VWA3A: variants seen among roughly 807,000 people sequenced by gnomAD.
VWA3A encodes von Willebrand factor A domain containing 3A.
In VWA3A, 134 loss-of-function variants were observed where a neutral mutation model predicts 160.4. The observed-to-expected ratio is 0.84, with a 90% CI of 0.73 to 0.96. The LOEUF is 0.96. VWA3A is among the 40% of genes least tolerant of loss of function. The pLI is 0.00. For missense variants in VWA3A, 1,310 were observed against 1,447.9 expected, an observed-to-expected ratio of 0.90 and a Z score of 1.55; for synonymous variants, 476 against 543.4, an observed-to-expected ratio of 0.88 and a Z score of 1.72.
chr16:22,102,874 G>A (rs1227888586), intron 5 of VWA3A, among the ~76,000 whole-genome samples: 9 of 152,128 alleles, frequency 5.9e-5, no homozygotes. Flanking sequence ...GCTATGTGGA[G>A]AAAGGAGACG....
At chr16:22,140,377 G>A (rs2046124786) in intron 23 of VWA3A, 133 bp downstream of exon 23, 3 of 781,914 alleles carry the variant, frequency 3.8e-6, no homozygotes, top group Non-Finnish European at 6.2e-6. Flanking sequence ...GGAGGCTGAG[G>A]TGGAAGGATC....
intron 6 of VWA3A, among the ~76,000 whole-genome samples, chr16:22,107,528 G>T (rs2045498303): frequency 6.6e-6 from 1 of 152,092 alleles, no homozygotes; most frequent in Admixed American, 6.6e-5. Flanking sequence ...GATCTCTTGA[G>T]GCCAGGAGTT....
intron 31 of VWA3A, among the ~76,000 whole-genome samples, chr16:22,153,055 T>C (rs2046377373): frequency 6.6e-6 from 1 of 152,144 alleles, no homozygotes; most frequent in Non-Finnish European, 1.5e-5. Context: ...GGTTTAAGAA[T>C]ACACCTAAAG....
intron 21 of VWA3A, among the ~76,000 whole-genome samples, chr16:22,135,073 AT>A (rs2046015913): frequency 1.3e-5 from 2 of 152,170 alleles, no homozygotes; most frequent in Admixed American, 6.5e-5. Flanking sequence ...TTTTAAAATA[AT>A]TTTTTTAAAA....
intron 23 of VWA3A, among the ~76,000 whole-genome samples, chr16:22,140,669 C>T (rs1168660533): frequency 6.8e-6 from 1 of 146,762 alleles, no homozygotes; most frequent in Admixed American, 6.9e-5. Context: ...GGAGTGCAGT[C>T]GTGTCATCTC....
chr16:22,107,819 T>G (rs1264714309), intron 6 of VWA3A, among the ~76,000 whole-genome samples: 1 of 152,138 alleles, frequency 6.6e-6, no homozygotes, highest in Non-Finnish European at 1.5e-5. Context: ...TGTCAGCCCA[T>G]GACCCACACC....
rs898179594 is a variant in VWA3A, at chr16:22,100,447, T to A, written c.382T>A (p.Cys128Ser). ...GGGCACCAATGTCGTGCAGAAAATA[T>A]GTTTCTCCACCCAGATCATCCGCCA... is the stretch of plus-strand genomic sequence containing the variant. ...EEGTNVVQKI[C>S]FSTQIIRHFE... is the part of the protein sequence containing the mutation. Residue 128 changes from cysteine (C) to serine (S), a missense_variant, in exon 5 of 34, where the codon TGT (cysteine) becomes AGT (serine). Transcript: ENST00000389398. The A allele has an allele frequency of 1.3e-6, 2 of 1,551,498 alleles. No homozygotes were observed. The highest frequency in any genetic ancestry group is 8.7e-7 in the Non-Finnish European group (1 of 1,147,004).
chr16:22,099,248 A>G (rs1208726617), intron 3 of VWA3A, among the ~76,000 whole-genome samples: 5 of 152,218 alleles, frequency 3.3e-5, no homozygotes, highest in Non-Finnish European at 7.3e-5. Context: ...GGTGCCTTTC[A>G]AGGGCAGGAC....
rs1567204078 is a variant in VWA3A, at chr16:22,117,275, G to C, written c.990+99G>C. ...TGGGCCAGGACCATACTATATACTT[G>C]TTTCTCCTTTTCTCCTTGTCCCCAC... On this transcript the variant is annotated intron_variant, in intron 11 of 33. Transcript: ENST00000389398. 2.3e-6 allele frequency: 3 copies of C among 1,285,246 alleles called. No individual in the cohort carries two copies. In the African/African-American group the frequency reaches 4.5e-5, roughly 19 times the overall value. The allele number at this position is 1,285,246 out of a possible 1,614,324, so 79.6% of individuals were successfully genotyped here. A position where few individuals can be genotyped will look rare whatever the true frequency, so the allele number is the denominator to read the frequency against.
intron 6 of VWA3A, 57 bp downstream of exon 6, chr16:22,103,586 TA>T: frequency 3.2e-6 from 5 of 1,538,638 alleles, no homozygotes; most frequent in Non-Finnish European, 4.4e-6. Flanking sequence ...TTGTATTTGT[TA>T]GAACCCTTTC....
chr16:22,118,559 G>A (rs1166871247), intron 11 of VWA3A, among the ~76,000 whole-genome samples: 5 of 152,166 alleles, frequency 3.3e-5, no homozygotes, highest in Admixed American at 1.3e-4. Flanking sequence ...GGTGGCGGGC[G>A]CCTGTAGTCC....
intron 17 of VWA3A, 65 bp downstream of exon 17, chr16:22,126,362 T>G: frequency 6.3e-7 from 1 of 1,575,588 alleles, no homozygotes; most frequent in Non-Finnish European, 8.6e-7. Context: ...GTCATTGGGC[T>G]GAGGCTTTGG....
chr16:22,119,573 A>C (rs997059593), intron 12 of VWA3A, among the ~76,000 whole-genome samples: 1 of 152,204 alleles, frequency 6.6e-6, no homozygotes, highest in Non-Finnish European at 1.5e-5. Context: ...CAGGAGGCTG[A>C]GGTGGGAGGA....
At chr16:22,141,766 G>C (rs1778126062) in intron 24 of VWA3A, 74 bp downstream of exon 24, 1 of 1,330,408 alleles carries the variant, frequency 7.5e-7, no homozygotes, top group Non-Finnish European at 1.0e-6. Context: ...CAGGTACCGT[G>C]GGAAGGAGAC....
intron 6 of VWA3A, among the ~76,000 whole-genome samples, chr16:22,106,409 A>G (rs1168808225): frequency 1.3e-5 from 2 of 151,954 alleles, no homozygotes; most frequent in Non-Finnish European, 2.9e-5. Context: ...AAATAAATAA[A>G]TGGAATGGTT....
At chr16:22,139,360 A>G (rs1454311269) in intron 22 of VWA3A, among the ~76,000 whole-genome samples, 3 of 152,060 alleles carry the variant, frequency 2.0e-5, no homozygotes, top group Non-Finnish European at 4.4e-5. Context: ...TGACCGCCAC[A>G]CTCCAGTCGT....
At chr16:22,115,860 AG>A (rs1162366914) in intron 9 of VWA3A, among the ~76,000 whole-genome samples, 5 of 7,638 alleles carry the variant, frequency 6.5e-4, no homozygotes, top group Non-Finnish European at 1.1e-3. Flanking sequence ...GAAGGAAGGA[AG>A]GAAGGAAGGA....
intron 28 of VWA3A, among the ~76,000 whole-genome samples, chr16:22,149,161 C>A (rs969221155): frequency 3.3e-5 from 5 of 152,130 alleles, no homozygotes; most frequent in African/African-American, 9.7e-5. Flanking sequence ...GAAAAGGAAG[C>A]CAGGACTTCA....
chr16:22,123,794 C>T lies in VWA3A; in HGVS notation c.1532+87C>T, dbSNP rs555908043. 1.6e-5 allele frequency: 20 copies of T among 1,233,596 alleles called. No homozygotes were observed. In the African/African-American group the frequency reaches 3.0e-4, roughly 19 times the overall value. 76.4% of individuals were successfully genotyped at this position (1,233,596 alleles called of 1,614,324 possible). A position where few individuals can be genotyped will look rare whatever the true frequency, so the allele number is the denominator to read the frequency against. ...CGCCTCATGAATTCCCTGTTGGTAG[C>T]ATCAGAAGCCATCACTTAGATTAGG... On this transcript the variant is annotated intron_variant, in intron 16 of 33. Transcript: ENST00000389398.
Sources: gnomAD v4.1 joint callset for allele counts (sites outside exome capture counted in the v4.1 genomes callset) on GRCh38, gnomAD v4.1.1 for gene constraint, MANE v1.5 for transcripts, NCBI Gene and HGNC (gene_info 2026-07-23, HGNC 2026-07-21) for gene names.